The following PPA2 variants were observed in gnomAD, a reference collection of about 807,000 sequenced individuals.
PPA2 encodes inorganic pyrophosphatase 2.
Under a neutral mutation model 49.5 loss-of-function variants are expected in PPA2, and 48 were observed. The ratio of observed to expected loss-of-function variants is 0.97; its 90% CI spans 0.77 to 1.23. PPA2 has a LOEUF of 1.23. PPA2 is among the 50% of genes most tolerant of loss of function. The pLI is 0.00. For missense variants in PPA2, 429 were observed against 410.1 expected (o/e 1.05, Z -0.40); for synonymous variants, 131 against 139.9 (o/e 0.94, Z 0.45).
chr4:105,371,018 C>T, intron 10 of PPA2, 145 bp from the exon 11 acceptor site: 1 of 692,076 alleles, frequency 1.4e-6, no homozygotes, highest in East Asian at 4.1e-5. Flanking sequence ...TTCCCCTTTG[C>T]TTTTCATTAT....
At chr4:105,444,914 CAA>C (rs955004631) in intron 5 of PPA2, among the ~76,000 whole-genome samples, 13 of 152,090 alleles carry the variant, frequency 8.5e-5, no homozygotes, top group Non-Finnish European at 1.5e-4. Context: ...AATCTCAACA[CAA>C]AGATAAGAAG....
At position 105,437,990 on chromosome 4, in the gene PPA2, C is replaced by A; in HGVS notation, c.488G>T (p.Gly163Val). The A allele has an allele frequency of 6.2e-7, 1 of 1,609,898 alleles. No homozygotes were observed. Among genetic ancestry groups the A allele is most frequent in the South Asian group, 1.1e-5 (1 of 89,864 alleles). The change falls in exon 6 of 12, where the codon GGA becomes GTA. Residue 163 changes from glycine (G) to valine (V), a missense_variant. Coordinates refer to ENST00000341695, the MANE Select transcript of PPA2 (RefSeq NM_176869.3). ...GCAAACATCAATAGGATCATTATCTCCAAAGCAGTTCGTGCTCTTATCTTT... is the reference window on the plus strand; with the variant it reads ...GCAAACATCAATAGGATCATTATCTACAAAGCAGTTCGTGCTCTTATCTTT... Reference protein sequence around the residue: ...HEKDKSTNCFGDNDPIDVCEI... With the variant: ...HEKDKSTNCFVDNDPIDVCEI...
intron 7 of PPA2, chr4:105,405,076 C>T (rs1578825110): frequency 4.8e-6 from 2 of 418,722 alleles, no homozygotes; most frequent in Admixed American, 6.4e-5. Context: ...GAGTGAGACT[C>T]CGCCTCAAAA....
At chr4:105,391,728 G>T (rs1314062428) in intron 9 of PPA2, among the ~76,000 whole-genome samples, 1 of 152,152 alleles carries the variant, frequency 6.6e-6, no homozygotes, top group Non-Finnish European at 1.5e-5. Context: ...TGGACACATT[G>T]TTTAAGAATA....
intron 3 of PPA2, 113 bp from the exon 4 acceptor site, chr4:105,449,516 G>A: frequency 1.6e-6 from 1 of 614,352 alleles, no homozygotes; most frequent in Non-Finnish European, 2.7e-6. Flanking sequence ...AAAAAATGTT[G>A]AGTCTCCATC....
chr4:105,415,235 T>C (rs1722952482), intron 7 of PPA2, among the ~76,000 whole-genome samples: 1 of 152,202 alleles, frequency 6.6e-6, no homozygotes, highest in African/African-American at 2.4e-5. Flanking sequence ...ACCCACCTCT[T>C]TCCGCCCAGG....
At chr4:105,382,530 C>T (rs1203418597) in intron 10 of PPA2, among the ~76,000 whole-genome samples, 1 of 152,156 alleles carries the variant, frequency 6.6e-6, no homozygotes, top group East Asian at 1.9e-4. Context: ...TTTGCATACA[C>T]ATACACACAT....
intron 5 of PPA2, among the ~76,000 whole-genome samples, chr4:105,442,795 T>A (rs897604608): frequency 5.9e-5 from 9 of 152,228 alleles, no homozygotes; most frequent in African/African-American, 2.2e-4. Context: ...AGTATTCTGC[T>A]GCTTAAATGT....
At chr4:105,392,550 G>A (rs1179325894) in intron 9 of PPA2, among the ~76,000 whole-genome samples, 1 of 152,010 alleles carries the variant, frequency 6.6e-6, no homozygotes, top group African/African-American at 2.4e-5. Context: ...GCAGGTGCCT[G>A]TAATCCTAGC....
intron 2 of PPA2, among the ~76,000 whole-genome samples, chr4:105,455,548 G>A (rs1351159271): frequency 6.6e-6 from 1 of 152,092 alleles, no homozygotes; most frequent in African/African-American, 2.4e-5. Context: ...CAAAATAAGG[G>A]TACTAAATGT....
At chr4:105,454,586 G>A (rs1478099242) in intron 2 of PPA2, among the ~76,000 whole-genome samples, 1 of 152,046 alleles carries the variant, frequency 6.6e-6, no homozygotes, top group African/African-American at 2.4e-5. Flanking sequence ...CGCCTGCCTT[G>A]GCCTCCCAAA....
At chr4:105,414,185 TATTA>T (rs1278786389) in intron 7 of PPA2, among the ~76,000 whole-genome samples, 1 of 152,176 alleles carries the variant, frequency 6.6e-6, no homozygotes, top group African/African-American at 2.4e-5. Flanking sequence ...AATAATAAAC[TATTA>T]TTTAGGAAGC....
intron 7 of PPA2, among the ~76,000 whole-genome samples, chr4:105,411,249 G>A (rs139282742): frequency 3.0e-4 from 46 of 152,102 alleles, no homozygotes; most frequent in Admixed American, 9.2e-4. Context: ...AAAAAGCAAG[G>A]TTTGCAATCC....
intron 4 of PPA2, among the ~76,000 whole-genome samples, chr4:105,448,944 C>T (rs1030746293): frequency 7.9e-6 from 1 of 126,258 alleles, no homozygotes. Flanking sequence ...ATTGGCCGGG[C>T]GCGGTGGCTC....
At chr4:105,404,117 G>A (rs1231989801) in intron 7 of PPA2, among the ~76,000 whole-genome samples, 1 of 151,648 alleles carries the variant, frequency 6.6e-6, no homozygotes, top group East Asian at 1.9e-4. Context: ...GAAATTTAGA[G>A]AAAGTATGAG....
chr4:105,393,485 A>AAATAATAAT (rs57790851), intron 9 of PPA2, among the ~76,000 whole-genome samples: 3 of 132,816 alleles, frequency 2.3e-5, no homozygotes, highest in Non-Finnish European at 3.1e-5. Context: ...CACTGTCTCA[A>AAATAATAAT]AATAATAATA....
intron 1 of PPA2, among the ~76,000 whole-genome samples, chr4:105,463,186 T>C (rs1277327382): frequency 6.6e-6 from 1 of 152,132 alleles, no homozygotes; most frequent in Non-Finnish European, 1.5e-5. Flanking sequence ...TTGATAATGA[T>C]ATGGACAATG....
rs1382613346 is a variant in PPA2, at chr4:105,397,243, T to TA, written c.784-910dup. 3.3e-5 allele frequency among the ~76,000 whole-genome samples: 5 copies of TA among 152,270 alleles called. No individual in the cohort carries two copies. In the East Asian group the frequency reaches 5.8e-4, roughly 18 times the overall value. The stretch of plus-strand genomic sequence containing the variant: ...AATCTTGGGAACTGAGGTACAGTAA[T>TA]AATGGGAAATTTATCCTCTGAAAAG... On this transcript the variant is annotated intron_variant, in intron 8 of 11. Transcript: ENST00000341695.
At chr4:105,457,546 G>T (rs564939565) in intron 1 of PPA2, among the ~76,000 whole-genome samples, 37 of 152,180 alleles carry the variant, frequency 2.4e-4, no homozygotes, top group African/African-American at 8.9e-4. Flanking sequence ...ACAAAGACTG[G>T]CTAAATCCCA....
Sources: gnomAD v4.1 joint callset for allele counts (sites outside exome capture counted in the v4.1 genomes callset) on GRCh38, gnomAD v4.1.1 for gene constraint, MANE v1.5 for transcripts, NCBI Gene and HGNC (gene_info 2026-07-23, HGNC 2026-07-21) for gene names.